Variants in IL1RAPL1 observed in about 807,000 individuals in gnomAD.
IL1RAPL1 encodes interleukin 1 receptor accessory protein like 1.
IL1RAPL1 carries 3 observed loss-of-function variants against 48.4 expected under a neutral mutation model. The observed-to-expected ratio is 0.06, with a 90% CI of 0.03 to 0.16. IL1RAPL1 has a LOEUF of 0.16. Among genes scored for constraint, IL1RAPL1 ranks in the 10% least tolerant of loss-of-function variants. The pLI is 1.00. For synonymous variants in IL1RAPL1, 185 were observed against 187.7 expected, an observed-to-expected ratio of 0.99 and a Z score of 0.12; for missense variants, 349 against 530.6, an observed-to-expected ratio of 0.66 and a Z score of 3.36.
At chrX:29,374,286 CTTTTTTTTTTTTTTT>C (rs747182215) in intron 3 of IL1RAPL1, among the ~76,000 whole-genome samples, 3 of 4,755 alleles carry the variant, frequency 6.3e-4, no homozygotes, top group Middle Eastern at 0.11. Flanking sequence ...TGGTTGGTTG[CTTTTTTTTTTTTTTT>C]TTTTTTTTTT....
chrX:29,509,006 C>T (rs1935365664), intron 5 of IL1RAPL1, among the ~76,000 whole-genome samples: 2 of 111,747 alleles, frequency 1.8e-5, no homozygotes, highest in African/African-American at 6.5e-5. Context: ...CACTTTATGC[C>T]AGTCACTTGG....
intron 2 of IL1RAPL1, among the ~76,000 whole-genome samples, chrX:29,055,839 A>G (rs779009253): frequency 7.1e-5 from 8 of 111,995 alleles, no homozygotes; most frequent in Non-Finnish European, 1.5e-4. Context: ...TTTTTAACTT[A>G]CGAGAAATTG....
intron 5 of IL1RAPL1, among the ~76,000 whole-genome samples, chrX:29,405,383 T>TTTTTTTTTG (rs1934047750): frequency 9.9e-6 from 1 of 100,749 alleles, no homozygotes; most frequent in Non-Finnish European, 1.9e-5. Context: ...TTTATTTTTT[T>TTTTTTTTTG]TGAGACAGAG....
chrX:28,790,022 G>A (rs912486012), intron 2 of IL1RAPL1, among the ~76,000 whole-genome samples: 1 of 112,067 alleles, frequency 8.9e-6, no homozygotes, highest in African/African-American at 3.2e-5. Flanking sequence ...AGGCATCTTG[G>A]TTTGTAGTGG....
intron 2 of IL1RAPL1, among the ~76,000 whole-genome samples, chrX:29,230,518 A>AAAAAAAAAAC (rs1569265272): frequency 2.5e-5 from 2 of 78,989 alleles, no homozygotes; most frequent in Non-Finnish European, 4.5e-5. Context: ...AAAAAAAAAA[A>AAAAAAAAAAC]AAAAAAAAAA....
chrX:28,781,724 C>T (rs1374087640), intron 1 of IL1RAPL1, among the ~76,000 whole-genome samples: 2 of 110,961 alleles, frequency 1.8e-5, no homozygotes, highest in Non-Finnish European at 3.8e-5. Flanking sequence ...GGGCCCATCT[C>T]AGAATTTTTA....
intron 6 of IL1RAPL1, among the ~76,000 whole-genome samples, chrX:29,682,491 C>A (rs778021426): frequency 3.6e-5 from 4 of 111,684 alleles, no homozygotes; most frequent in Non-Finnish European, 7.5e-5. Context: ...TGACTCTACT[C>A]CCACTAGGCA....
intron 2 of IL1RAPL1, among the ~76,000 whole-genome samples, chrX:28,801,249 G>A (rs1936671924): frequency 9.0e-6 from 1 of 111,412 alleles, no homozygotes; most frequent in African/African-American, 3.3e-5. Context: ...GGTAAAACGA[G>A]TATAAAACTT....
chrX:29,448,208 T>C (rs1475902638), intron 5 of IL1RAPL1, among the ~76,000 whole-genome samples: 2 of 110,797 alleles, frequency 1.8e-5, no homozygotes, highest in Non-Finnish European at 3.8e-5. Flanking sequence ...GAAATTAGAG[T>C]GGGAAAAGGA....
chrX:28,690,764 C>T (rs1179783548), intron 1 of IL1RAPL1, among the ~76,000 whole-genome samples: 1 of 111,308 alleles, frequency 9.0e-6, no homozygotes, highest in East Asian at 2.8e-4. Flanking sequence ...ATTCTTGCAA[C>T]TTCATTCCCT....
chrX:29,158,952 C>T (rs1382941870), intron 2 of IL1RAPL1, among the ~76,000 whole-genome samples: 2 of 64,161 alleles, frequency 3.1e-5, no homozygotes, highest in East Asian at 1.3e-3. Flanking sequence ...CCCTCCCTCT[C>T]CCTCTCTCTC....
intron 5 of IL1RAPL1, among the ~76,000 whole-genome samples, chrX:29,556,715 G>T (rs1922013878): frequency 9.0e-6 from 1 of 111,183 alleles, no homozygotes; most frequent in Non-Finnish European, 1.9e-5. Context: ...TGAGTCTACA[G>T]TGTGGGAACA....
At chrX:29,216,529 A>G (rs1259065277) in intron 2 of IL1RAPL1, among the ~76,000 whole-genome samples, 3 of 110,874 alleles carry the variant, frequency 2.7e-5, no homozygotes, top group African/African-American at 9.8e-5. Context: ...TGATTTTCAA[A>G]CTTTTTTGAT....
chrX:28,692,437 G>T (rs1400944031), intron 1 of IL1RAPL1, among the ~76,000 whole-genome samples: 1 of 111,405 alleles, frequency 9.0e-6, no homozygotes, highest in Admixed American at 9.6e-5. Context: ...TGCACTCTGG[G>T]CTATTGCAAT....
At chrX:29,643,382 G>A (rs989237066) in intron 5 of IL1RAPL1, among the ~76,000 whole-genome samples, 3 of 111,712 alleles carry the variant, frequency 2.7e-5, no homozygotes, top group Admixed American at 9.5e-5. Flanking sequence ...CATTGATGAG[G>A]TGAAAGCTGT....
At chrX:29,559,453 C>T (rs61438079) in intron 5 of IL1RAPL1, among the ~76,000 whole-genome samples, 7,614 of 111,519 alleles carry the variant, frequency 0.068, 502 homozygotes, top group African/African-American at 0.21. Context: ...GCCATTTGAT[C>T]CTGGGCTTTT....
At chrX:28,723,976 T>C (rs1935628098) in intron 1 of IL1RAPL1, among the ~76,000 whole-genome samples, 1 of 111,958 alleles carries the variant, frequency 8.9e-6, no homozygotes, top group African/African-American at 3.3e-5. Flanking sequence ...TTATAATTTC[T>C]GTTCTTTTAC....
intron 1 of IL1RAPL1, among the ~76,000 whole-genome samples, chrX:28,625,001 T>C (rs150682518): frequency 0.013 from 1,449 of 111,937 alleles, 23 homozygotes; most frequent in African/African-American, 0.045. Context: ...CCCTGAATTA[T>C]AGGATGGGAT....
chrX:29,156,869 A>T (rs1929580897), intron 2 of IL1RAPL1, among the ~76,000 whole-genome samples: 1 of 111,408 alleles, frequency 9.0e-6, no homozygotes, highest in South Asian at 3.7e-4. Flanking sequence ...GTTACCAAAG[A>T]TCCAATTTTA....
Sources: allele counts gnomAD v4.1 joint callset (sites outside exome capture counted in the v4.1 genomes callset), GRCh38; gene constraint gnomAD v4.1.1; transcripts MANE v1.5; gene names NCBI Gene and HGNC (gene_info 2026-07-23, HGNC 2026-07-21).